The following CYP39A1 variants were observed in gnomAD, a reference collection of about 807,000 sequenced individuals.
CYP39A1 encodes cytochrome P450 family 39 subfamily A member 1, also known as 24-hydroxycholesterol 7-alpha-hydroxylase.
A neutral mutation model predicts 58.1 loss-of-function variants in CYP39A1; 49 were observed. That is an observed-to-expected ratio of 0.84 (90% CI 0.67 to 1.07). The LOEUF is 1.07. Ranked by LOEUF, CYP39A1 falls within the 50% of genes least tolerant of loss-of-function variation. The probability of loss-of-function intolerance (pLI) is 0.00; values close to 1 mark genes in which losing one functional copy is unlikely to be tolerated. For missense variants in CYP39A1, 531 were observed against 539.4 expected, an observed-to-expected ratio of 0.98 and a Z score of 0.16; for synonymous variants, 209 against 187.6, an observed-to-expected ratio of 1.11 and a Z score of -0.93.
chr6:46,638,212 T>C (rs1380868498), intron 3 of CYP39A1, among the ~76,000 whole-genome samples: 2 of 152,220 alleles, frequency 1.3e-5, no homozygotes, highest in African/African-American at 4.8e-5. Context: ...AAATGCTTTC[T>C]AAACAAGCTT....
At chr6:46,619,766 A>G (rs1456796547) in intron 7 of CYP39A1, among the ~76,000 whole-genome samples, 1 of 152,152 alleles carries the variant, frequency 6.6e-6, no homozygotes. Context: ...CACTTAGTTC[A>G]TAAGTTTCTG....
chr6:46,625,130 G>A (rs1775229472), intron 7 of CYP39A1, among the ~76,000 whole-genome samples: 1 of 152,014 alleles, frequency 6.6e-6, no homozygotes, highest in Non-Finnish European at 1.5e-5. Flanking sequence ...CAAGACATTA[G>A]AAGAACAAAC....
chr6:46,583,497 T>C, intron 10 of CYP39A1: 1 of 985,372 alleles, frequency 1.0e-6, no homozygotes, highest in Non-Finnish European at 1.2e-6. Context: ...TGTGAGACTG[T>C]CTGCTATAAT....
chr6:46,620,270 G>C (rs1232308809), intron 7 of CYP39A1, among the ~76,000 whole-genome samples: 1 of 152,056 alleles, frequency 6.6e-6, no homozygotes, highest in Non-Finnish European at 1.5e-5. Context: ...CAACAAGGTT[G>C]GAACTTCTTC....
chr6:46,585,003 C>T (rs1490204891), intron 10 of CYP39A1, among the ~76,000 whole-genome samples: 3 of 152,172 alleles, frequency 2.0e-5, no homozygotes, highest in Admixed American at 1.3e-4. Context: ...GTAGCCAGAG[C>T]ACTGCCTTGC....
At chr6:46,591,159 CATTTCT>C (rs1395159931) in intron 8 of CYP39A1, among the ~76,000 whole-genome samples, 2 of 152,082 alleles carry the variant, frequency 1.3e-5, no homozygotes, top group Non-Finnish European at 2.9e-5. Flanking sequence ...TGTAATCTAA[CATTTCT>C]AATGGTTGTT....
intron 7 of CYP39A1, among the ~76,000 whole-genome samples, chr6:46,620,910 C>T (rs945096617): frequency 3.7e-4 from 37 of 99,952 alleles, no homozygotes; most frequent in Admixed American, 3.3e-3. Flanking sequence ...ACTAAACAAT[C>T]AAACAAACAA....
At chr6:46,558,401 G>A (rs1770772053) in intron 10 of CYP39A1, among the ~76,000 whole-genome samples, 1 of 152,120 alleles carries the variant, frequency 6.6e-6, no homozygotes, top group South Asian at 2.1e-4. Flanking sequence ...GAGAAAGCGA[G>A]CAAAGGGGGA....
chr6:46,571,302 C>T (rs942155182), intron 10 of CYP39A1, among the ~76,000 whole-genome samples: 3 of 152,078 alleles, frequency 2.0e-5, no homozygotes, highest in African/African-American at 7.2e-5. Flanking sequence ...GATGATCTCT[C>T]TATTGTTGAA....
At chr6:46,573,101 G>A (rs1771679880) in intron 10 of CYP39A1, among the ~76,000 whole-genome samples, 1 of 151,876 alleles carries the variant, frequency 6.6e-6, no homozygotes, top group African/African-American at 2.4e-5. Flanking sequence ...ATCTTGCTGA[G>A]CTTCTCTAAA....
intron 8 of CYP39A1, among the ~76,000 whole-genome samples, chr6:46,593,409 G>T (rs1174255819): frequency 6.6e-6 from 1 of 151,982 alleles, no homozygotes; most frequent in East Asian, 1.9e-4. Flanking sequence ...GACCGTGGAA[G>T]AGCTACTTGT....
intron 10 of CYP39A1, among the ~76,000 whole-genome samples, chr6:46,567,285 C>T (rs934313103): frequency 6.6e-6 from 1 of 152,032 alleles, no homozygotes; most frequent in Non-Finnish European, 1.5e-5. Flanking sequence ...TCCAGGTTGA[C>T]TCAAGTTGTT....
intron 5 of CYP39A1, among the ~76,000 whole-genome samples, chr6:46,632,703 C>T (rs781255991): frequency 2.0e-5 from 3 of 151,134 alleles, no homozygotes; most frequent in Non-Finnish European, 2.9e-5. Flanking sequence ...AACTGAAACA[C>T]AATAAAGTTA....
rs1561994076 is a variant in CYP39A1, at chr6:46,616,183, CTTTCT to C, written c.931+9230_931+9234del. 2.9e-3 allele frequency among the ~76,000 whole-genome samples: 68 copies of C among 23,140 alleles called. 1 individual carries two copies. Among genetic ancestry groups the C allele is most frequent in the African/African-American group, 3.2e-3 (18 of 5,590 alleles). 15.2% of individuals were successfully genotyped at this position (23,140 alleles called of 152,430 possible). ...TTCTTTTTTCTTTCTTTCTTTCTTT[CTTTCT>C]TCTTTCCCTCCCTCCCTCCCTCCCT... On this transcript the variant is annotated intron_variant, in intron 7 of 11. Coordinates refer to ENST00000275016, the MANE Select transcript of CYP39A1 (RefSeq NM_016593.5).
intron 7 of CYP39A1, among the ~76,000 whole-genome samples, chr6:46,598,315 T>C (rs1266713173): frequency 6.6e-6 from 1 of 152,156 alleles, no homozygotes; most frequent in East Asian, 1.9e-4. Context: ...TAACTAGCTA[T>C]ATAAATTAGG....
At chr6:46,586,417 A>C in intron 10 of CYP39A1, 1 of 976,922 alleles carries the variant, frequency 1.0e-6, no homozygotes, top group Non-Finnish European at 1.2e-6. Flanking sequence ...GAAGTCAGGG[A>C]CCATGTTGGT....
intron 7 of CYP39A1, among the ~76,000 whole-genome samples, chr6:46,604,456 T>C (rs1773715471): frequency 6.6e-6 from 1 of 152,208 alleles, no homozygotes; most frequent in Non-Finnish European, 1.5e-5. Context: ...GAGAGCAAAG[T>C]AAAACAGGCA....
intron 10 of CYP39A1, among the ~76,000 whole-genome samples, chr6:46,585,297 C>A (rs751285568): frequency 5.3e-5 from 8 of 151,260 alleles, no homozygotes; most frequent in Non-Finnish European, 7.4e-5. Context: ...AGGATGATTA[C>A]AATAAATTAT....
chr6:46,566,849 T>C lies in CYP39A1; in HGVS notation c.1251-12995A>G, dbSNP rs75179678. ...AATGAGATGATTATATATATATATA[T>C]ACACACACATACATATATGCACACA... On this transcript the variant is annotated intron_variant, in intron 10 of 11. Coordinates refer to ENST00000275016, the MANE Select transcript of CYP39A1 (RefSeq NM_016593.5). Among the ~76,000 whole-genome samples the C allele has an allele frequency of 3.2e-3, 472 of 145,338 alleles. 3 individuals are homozygous for C. Among genetic ancestry groups the C allele is most frequent in the African/African-American group, 0.011 (423 of 36,840 alleles).
Sources: allele counts gnomAD v4.1 joint callset (sites outside exome capture counted in the v4.1 genomes callset), GRCh38; gene constraint gnomAD v4.1.1; transcripts MANE v1.5; gene names NCBI Gene and HGNC (gene_info 2026-07-23, HGNC 2026-07-21).